VSIG10L: variants seen among roughly 807,000 people sequenced by gnomAD.
VSIG10L encodes V-set and immunoglobulin domain-containing protein 10-like.
In VSIG10L, 63 loss-of-function variants were observed where a neutral mutation model predicts 67.3. That is an observed-to-expected ratio of 0.94 (90% confidence interval 0.76 to 1.15). VSIG10L has a LOEUF of 1.15. VSIG10L is among the 50% of genes most tolerant of loss of function. The pLI is 0.00. For missense variants in VSIG10L, 1,050 were observed against 1,177.5 expected (o/e 0.89, Z 1.58); for synonymous variants, 499 against 524.9 (o/e 0.95, Z 0.67).
Position 51,332,161 on chromosome 19 carries a change from G to A in VSIG10L, c.*450C>T, listed in dbSNP as rs28626434. The A allele has an allele frequency of 8.0e-3, 1,930 of 242,446 alleles. 32 individuals are homozygous for A. The highest frequency in any genetic ancestry group is 0.041 in the African/African-American group (1,788 of 43,856). 15.0% of individuals were successfully genotyped at this position (242,446 alleles called of 1,614,324 possible). A position where few individuals can be genotyped will look rare whatever the true frequency, so the allele number is the denominator to read the frequency against. ...AGGGAAATGCACAGGCCGTAGAAGC[G>A]TTTAAAGAGAAGAGTGACATGATCT... On this transcript the variant is annotated 3_prime_UTR_variant, in exon 10 of 10. Coordinates refer to ENST00000335624, the MANE Select transcript of VSIG10L (RefSeq NM_001163922.3).
In VSIG10L at chr19:51,339,043, G is replaced by A. The variant is rs764812997; in HGVS notation, c.1574C>T (p.Ser525Phe). 2.7e-5 allele frequency: 37 copies of A among 1,353,410 alleles called. No homozygotes were observed. The East Asian group carries it at 3.4e-4, about 12-fold the overall frequency. 83.8% of individuals were successfully genotyped at this position (1,353,410 alleles called of 1,614,324 possible). ...CSWPGGAPAA[S>F]LQFQGLPEGI... Reference sequence around the variant, plus strand: ...TTCGGGGAGACCCTGGAACTGCAGGGAGGCAGCAGGGGCCCCGCCGGGCCA... The same window carrying A: ...TTCGGGGAGACCCTGGAACTGCAGGAAGGCAGCAGGGGCCCCGCCGGGCCA... The change falls in exon 5 of 10, where the codon TCC becomes TTC. Residue 525 changes from serine to phenylalanine, a missense_variant. Transcript: ENST00000335624.
chr19:51,336,593 G>GAC (rs1429344624), intron 7 of VSIG10L, among the ~76,000 whole-genome samples: 9 of 151,956 alleles, frequency 5.9e-5, no homozygotes, highest in East Asian at 1.9e-4. Context: ...AAGAAGAAGA[G>GAC]ACACACACAC....
Position 51,334,190 on chromosome 19 carries a change from C to A in VSIG10L, c.2419+1G>T, listed in dbSNP as rs1227015902. 1 of 1,551,808 alleles carries A rather than the reference C, an allele frequency of 6.4e-7. No homozygotes were observed. The highest frequency in any genetic ancestry group is 1.2e-5 in the South Asian group (1 of 84,054). ...GCCCCTTCCCCAGTCCCCTTGCTCA[C>A]CACGAAAGCGGCACAGGCAGCAGAT... is the stretch of plus-strand genomic sequence containing the variant. On this transcript the variant is annotated splice_donor_variant, in intron 8 of 9. Coordinates refer to ENST00000335624, the MANE Select transcript of VSIG10L (RefSeq NM_001163922.3). LOFTEE classifies it high-confidence loss of function.
intron 7 of VSIG10L, among the ~76,000 whole-genome samples, chr19:51,336,232 C>T (rs955824005): frequency 1.3e-5 from 2 of 152,030 alleles, no homozygotes; most frequent in Admixed American, 1.3e-4. Context: ...TTAGGGTGGA[C>T]CCTAATCCAA....
In VSIG10L at chr19:51,341,159, C is replaced by T. The variant is rs78236781; in HGVS notation, c.889G>A (p.Val297Met). ...GACGCCAGGGCCCACTTACCATACA[C>T]ACCCACCGTGAACTCGTGAGTCTGC... Reference protein sequence around the residue: ...SQQTHEFTVGVYEPLPQLSVQ... With the variant: ...SQQTHEFTVGMYEPLPQLSVQ... Residue 297 changes from valine to methionine, a missense_variant, in exon 2 of 10, where the codon GTG (valine) becomes ATG (methionine). Around this residue, in one of 3 missense-constraint regions of VSIG10L, gnomAD observed 511 missense variants for 557.9 expected, o/e 0.92. Transcript: ENST00000335624. 904 of 1,517,842 alleles carry T rather than the reference C, an allele frequency of 6.0e-4. 12 individuals are homozygous for T. The East Asian group carries it at 0.019, about 33-fold the overall frequency. 94.0% of individuals were successfully genotyped at this position (1,517,842 alleles called of 1,614,324 possible).
At position 51,338,913 on chromosome 19, in the gene VSIG10L, G is replaced by A. The variant is rs1054974118; in HGVS notation, c.1704C>T (p.Ala568=). The change falls in exon 5 of 10, where the codon GCC becomes GCT. Residue 568 remains alanine, a synonymous_variant. Coordinates refer to ENST00000335624, the MANE Select transcript of VSIG10L (RefSeq NM_001163922.3). ...PITCLARHLV[A]TRTCTVTPEA... Reference sequence around the variant, plus strand: ...CCGGCGTGACTGTGCAGGTACGCGTGGCCACCAGGTGGCGAGCAAGGCAGG... The same window carrying A: ...CCGGCGTGACTGTGCAGGTACGCGTAGCCACCAGGTGGCGAGCAAGGCAGG... The A allele has an allele frequency of 3.1e-5, 44 of 1,441,536 alleles. No homozygotes were observed. The highest frequency in any genetic ancestry group is 4.0e-5 in the Non-Finnish European group (44 of 1,094,076). The allele number at this position is 1,441,536 out of a possible 1,614,324, so 89.3% of individuals were successfully genotyped here.
chr19:51,335,172 G>A (rs1043104797), intron 7 of VSIG10L, among the ~76,000 whole-genome samples: 5 of 152,222 alleles, frequency 3.3e-5, no homozygotes, highest in Non-Finnish European at 4.4e-5. Flanking sequence ...GAAGGCCAGC[G>A]TGGGTGGAGG....
chr19:51,332,587 C>T lies in VSIG10L; in HGVS notation c.*24G>A, dbSNP rs28740866. ...GGCTCTGATCACACCTGTGTGGCTG[C>T]GCGAACAGTCTTTGAGCCTCCGCCT... On this transcript the variant is annotated 3_prime_UTR_variant, in exon 10 of 10. Coordinates refer to ENST00000335624, the MANE Select transcript of VSIG10L (RefSeq NM_001163922.3). 3,499 of 1,551,290 alleles carry T rather than the reference C, an allele frequency of 2.3e-3. 54 individuals are homozygous for T. In the African/African-American group the frequency reaches 0.041, roughly 18 times the overall value.
Position 51,340,753 on chromosome 19 carries a change from C to A in VSIG10L, c.896-27G>T, listed in dbSNP as rs888968599. On this transcript the variant is annotated intron_variant, in intron 2 of 9. Coordinates refer to ENST00000335624, the MANE Select transcript of VSIG10L (RefSeq NM_001163922.3). This position sits in a 1 kb window ranked among gnomAD's most constrained non-coding sequence, Gnocchi z 6.3. ...TGGGAGAGGGAGAATGGGCTCAGGA[C>A]CCACCCAGTCCTGGAGCCCATCTTT... 2.8e-6 allele frequency: 4 copies of A among 1,452,906 alleles called. No homozygotes were observed. The highest frequency in any genetic ancestry group is 3.6e-6 in the Non-Finnish European group (4 of 1,105,962). The allele number at this position is 1,452,906 out of a possible 1,614,324, so 90.0% of individuals were successfully genotyped here.
In VSIG10L at chr19:51,340,601, G is replaced by C; in HGVS notation, c.1021C>G (p.Arg341Gly). The C allele has an allele frequency of 2.0e-6, 3 of 1,535,256 alleles. No individual in the cohort carries two copies. The highest frequency in any genetic ancestry group is 1.9e-4 in the Middle Eastern group (1 of 5,402). The change falls in exon 3 of 10, where the codon CGC becomes GGC. Residue 341 changes from arginine to glycine, a missense_variant. Transcript: ENST00000335624. The surrounding 1 kb of genome is among the most constrained non-coding windows in gnomAD (Gnocchi z 6.3). ...RGELSWSRDGRALEAAESEGA... is the reference protein window; with the variant it reads ...RGELSWSRDGGALEAAESEGA... ...TCCGATTCCGCCGCCTCCAGGGCGC[G>C]TCCGTCCCGGCTCCAGCTCAGCTCC...
At position 51,340,382 on chromosome 19, in the gene VSIG10L, C is replaced by A; in HGVS notation, c.1189+51G>T. 1 of 1,459,700 alleles carries A rather than the reference C, an allele frequency of 6.9e-7. No individual in the cohort carries two copies. The highest frequency in any genetic ancestry group is 9.0e-7 in the Non-Finnish European group (1 of 1,105,140). The allele number at this position is 1,459,700 out of a possible 1,614,324, so 90.4% of individuals were successfully genotyped here. ...ACTCCCGGAGACTGGGTCCCCAGCC[C>A]GCTTCTCCCCAAGGACCCCCTGTCC... On this transcript the variant is annotated intron_variant, in intron 3 of 9. Transcript: ENST00000335624. The surrounding 1 kb of genome is among the most constrained non-coding windows in gnomAD (Gnocchi z 6.3).
In VSIG10L at chr19:51,337,619, G is replaced by A. The variant is rs550532991; in HGVS notation, c.2009-85C>T. ...GGGGGGCTGGGCTCCTGGGTCTGAGGGGGAGGGGGCTGGGGGCCTGGACTC... is the reference window on the plus strand; with the variant it reads ...GGGGGGCTGGGCTCCTGGGTCTGAGAGGGAGGGGGCTGGGGGCCTGGACTC... On this transcript the variant is annotated intron_variant, in intron 6 of 9. Transcript: ENST00000335624. 937 of 1,002,874 alleles carry A rather than the reference G, an allele frequency of 9.3e-4. 8 individuals carry two copies. In the African/African-American group the frequency reaches 0.013, roughly 14 times the overall value. The allele number at this position is 1,002,874 out of a possible 1,614,324, so 62.1% of individuals were successfully genotyped here.
At chr19:51,335,523 A>C (rs1042771483) in intron 7 of VSIG10L, among the ~76,000 whole-genome samples, 1 of 152,196 alleles carries the variant, frequency 6.6e-6, no homozygotes, top group African/African-American at 2.4e-5. Context: ...GGTGACATTT[A>C]TGAGGATGGG....
rs1307856340 is a variant in VSIG10L at position 51,337,358 on chromosome 19, G to A, written c.2185C>T (p.Gln729Ter). ...AGGGGCACCACGGCTGACCGCTCCT[G>A]AGGCCCCAGGATGAGCAGGGAGACC... The part of the protein sequence containing the change: ...DWVSLLILGP[Q>*]ERSAVVPLPP... The change falls in exon 7 of 10, where the codon CAG (glutamine) becomes TAG (stop). Residue 729 changes from glutamine (Q) to a stop codon, truncating the protein, a stop_gained. Coordinates refer to ENST00000335624, the MANE Select transcript of VSIG10L (RefSeq NM_001163922.3). LOFTEE classifies it high-confidence loss of function. The A allele has an allele frequency of 4.5e-6, 7 of 1,551,656 alleles. No homozygotes were observed. Among genetic ancestry groups the A allele is most frequent in the East Asian group, 2.4e-5 (1 of 40,892 alleles).
chr19:51,339,858 C>T, intron 4 of VSIG10L, 157 bp downstream of exon 4: 1 of 973,262 alleles, frequency 1.0e-6, no homozygotes, highest in Non-Finnish European at 1.3e-6. Context: ...CACGGGTATC[C>T]CAGCTCCTTC....
In VSIG10L at chr19:51,337,388, C is replaced by T. The variant is rs1680549761; in HGVS notation, c.2155G>A (p.Asp719Asn). ...CCCAGGATGAGCAGGGAGACCCAGT[C>T]CCTGTAGGTGGAAGTCCTGCCCAGA... ...PALGRTSTYR[D>N]WVSLLILGPQ... Residue 719 changes from aspartate to asparagine, a missense_variant, in exon 7 of 10, where the codon GAC becomes AAC. Physicochemically the swap from Asp to Asn is conservative, Grantham distance 23. Around this residue, in one of 3 missense-constraint regions of VSIG10L, gnomAD observed 529 missense variants for 584.9 expected, o/e 0.90. Coordinates refer to ENST00000335624, the MANE Select transcript of VSIG10L (RefSeq NM_001163922.3). 1 of 1,551,722 alleles carries T rather than the reference C, an allele frequency of 6.4e-7. No individual in the cohort carries two copies. The highest frequency in any genetic ancestry group is 8.7e-7 in the Non-Finnish European group (1 of 1,147,010).
Position 51,332,604 on chromosome 19 carries a change from CCT to C in VSIG10L, c.*5_*6del. ...TGTGGCTGCGCGAACAGTCTTTGAG[CCT>C]CCGCCTACAGAGACAACTGAACTGG... is the stretch of plus-strand genomic sequence containing the variant. On this transcript the variant is annotated 3_prime_UTR_variant, in exon 10 of 10. Coordinates refer to ENST00000335624, the MANE Select transcript of VSIG10L (RefSeq NM_001163922.3). The C allele has an allele frequency of 6.5e-7, 1 of 1,546,548 alleles. No homozygotes were observed. The highest frequency in any genetic ancestry group is 1.7e-4 in the Middle Eastern group (1 of 5,992).
In VSIG10L at chr19:51,341,504, A is replaced by G. The variant is rs531138246; in HGVS notation, c.544T>C (p.Ser182Pro). 1.9e-6 allele frequency: 3 copies of G among 1,550,982 alleles called. No homozygotes were observed. The highest frequency in any genetic ancestry group is 2.4e-5 in the South Asian group (2 of 83,974). The change falls in exon 2 of 10, where the codon TCT (serine) becomes CCT (proline). Residue 182 changes from serine to proline, a missense_variant. Physicochemically the swap from Ser to Pro is moderately conservative, Grantham distance 74. This residue lies in a region of VSIG10L where 511 missense variants were observed against 557.9 expected (regional missense o/e 0.92). Coordinates refer to ENST00000335624, the MANE Select transcript of VSIG10L (RefSeq NM_001163922.3). ...LSAQSPESKF[S>P]AETHSAASFP... Reference sequence around the variant, plus strand: ...CTTGCAGCTGAGTGGGTCTCTGCAGAAAATTTGGATTCAGGGCTCTGGGCA... The same window carrying G: ...CTTGCAGCTGAGTGGGTCTCTGCAGGAAATTTGGATTCAGGGCTCTGGGCA...
Position 51,337,340 on chromosome 19 carries a change from C to A in VSIG10L, c.2203G>T (p.Val735Leu), listed in dbSNP as rs957011540. ...CCTGGGTTCCGAGGTGGAAGGGGCA[C>A]CACGGCTGACCGCTCCTGAGGCCCC... ...ILGPQERSAV[V>L]PLPPRNPGTW... Residue 735 changes from valine to leucine, a missense_variant, in exon 7 of 10, where the codon GTG (valine) becomes TTG (leucine). By Grantham distance (32) the Val-to-Leu change is conservative. Transcript: ENST00000335624. The A allele has an allele frequency of 3.4e-5, 52 of 1,551,572 alleles. No homozygotes were observed. The highest frequency in any genetic ancestry group is 4.4e-5 in the Non-Finnish European group (51 of 1,146,950).
Sources: gnomAD v4.1 joint callset for allele counts (sites outside exome capture counted in the v4.1 genomes callset) on GRCh38, gnomAD v4.1.1 for gene constraint, gnomAD v4.1.1 regional missense constraint, Gnocchi (gnomAD v3.1) non-coding constraint, MANE v1.5 for transcripts, NCBI Gene and HGNC (gene_info 2026-07-23, HGNC 2026-07-21) for gene names.